The following RRP12 variants were observed in gnomAD, a reference collection of about 807,000 sequenced individuals.
The protein encoded by RRP12 is RRP12-like protein.
In RRP12, 78 loss-of-function variants were observed where a neutral mutation model predicts 157.3. The ratio of observed to expected loss-of-function variants is 0.50; its 90% CI spans 0.41 to 0.60. RRP12 has a LOEUF of 0.60. Ranked by LOEUF, RRP12 falls within the 20% of genes least tolerant of loss-of-function variation. The pLI, the probability that RRP12 is intolerant of heterozygous loss-of-function variation, is 0.00. For synonymous variants in RRP12, 726 were observed against 670.9 expected (o/e 1.08, Z -1.27); for missense variants, 1,521 against 1,679.9 (o/e 0.91, Z 1.65).
chr10:97,378,828 GC>G, intron 15 of RRP12, among the ~76,000 whole-genome samples: 1 of 152,110 alleles, frequency 6.6e-6, no homozygotes, highest in Non-Finnish European at 1.5e-5. Context: ...CTGTGCTCCA[GC>G]CTGGGCAACA....
At chr10:97,374,329 C>A (rs1196470266) in intron 15 of RRP12, among the ~76,000 whole-genome samples, 2 of 152,098 alleles carry the variant, frequency 1.3e-5, no homozygotes, top group Non-Finnish European at 2.9e-5. Flanking sequence ...GCCACCACAC[C>A]CACCTAACTT....
chr10:97,390,942 G>A, intron 4 of RRP12, 98 bp from the exon 5 acceptor site: 6 of 792,388 alleles, frequency 7.6e-6, no homozygotes, highest in Non-Finnish European at 1.4e-5. Flanking sequence ...AGGGGCGCTG[G>A]TGGCACAGTC....
rs772265695 is a variant in RRP12 at position 97,396,319 on chromosome 10, A to G, written c.370-18T>C. The G allele has an allele frequency of 6.2e-7, 1 of 1,605,910 alleles. No homozygotes were observed. The highest frequency in any genetic ancestry group is 1.1e-5 in the South Asian group (1 of 90,920). On this transcript the variant is annotated intron_variant, in intron 2 of 33. Transcript: ENST00000370992. ...GCACAGATCTGCACAGGAGGGAGAA[A>G]GCACTGTGACTATTTTAGACCTAAC...
intron 15 of RRP12, among the ~76,000 whole-genome samples, chr10:97,377,803 C>T (rs968592159): frequency 6.8e-6 from 1 of 146,838 alleles, no homozygotes; most frequent in South Asian, 2.1e-4. Context: ...GAGATCGCAC[C>T]TTTGCACTCC....
Position 97,381,511 on chromosome 10 carries a change from G to A in RRP12, c.1321-28C>T, listed in dbSNP as rs1410788233. 5.8e-6 allele frequency: 9 copies of A among 1,563,440 alleles called. No individual in the cohort carries two copies. In the South Asian group the frequency reaches 1.0e-4, roughly 18 times the overall value. On this transcript the variant is annotated intron_variant, in intron 11 of 33. Coordinates refer to ENST00000370992, the MANE Select transcript of RRP12 (RefSeq NM_015179.4). ...GCGAAGAGAGGCCACAGGCTTTCTG[G>A]GCCCAAGGCAGCCCCCCAGGACCAC... is the stretch of plus-strand genomic sequence containing the variant.
intron 25 of RRP12, among the ~76,000 whole-genome samples, chr10:97,369,189 A>G (rs1844069642): frequency 6.6e-6 from 1 of 152,206 alleles, no homozygotes; most frequent in African/African-American, 2.4e-5. Context: ...CTTTGCCCTG[A>G]AGAGCCCCTG....
intron 17 of RRP12, 67 bp from the exon 18 acceptor site, chr10:97,373,267 CTGTGG>C: frequency 1.3e-6 from 2 of 1,540,488 alleles, no homozygotes; most frequent in Non-Finnish European, 1.8e-6. Flanking sequence ...GCTGCTGGGG[CTGTGG>C]CCCAGAGGCC....
At chr10:97,378,067 A>G (rs532343469) in intron 15 of RRP12, among the ~76,000 whole-genome samples, 1 of 152,260 alleles carries the variant, frequency 6.6e-6, no homozygotes, top group East Asian at 1.9e-4. Flanking sequence ...AACACAGGTC[A>G]GGAGTAAACT....
intron 2 of RRP12, among the ~76,000 whole-genome samples, chr10:97,398,578 C>T (rs775063739): frequency 6.7e-6 from 1 of 150,162 alleles, no homozygotes; most frequent in African/African-American, 2.5e-5. Context: ...AACTCTTGAC[C>T]TCAAATGATC....
intron 21 of RRP12, 62 bp from the exon 22 acceptor site, chr10:97,370,858 C>A: frequency 6.2e-7 from 1 of 1,610,002 alleles, no homozygotes; most frequent in Non-Finnish European, 8.5e-7. Flanking sequence ...CAAGCCTCAA[C>A]AGTGGCTCCT....
Position 97,381,794 on chromosome 10 carries a change from G to A in RRP12, c.1241C>T (p.Pro414Leu). ...LQWDLGLGHL[P>L]RFFGTAVTCL... is the part of the protein sequence containing the mutation. ...GGTCACCGCAGTTCCAAAAAAGCGA[G>A]GGAGGTGGCCTAGCCCCAGGTCCCA... The change falls in exon 11 of 34, where the codon CCT (proline) becomes CTT (leucine). Residue 414 changes from proline (P) to leucine (L), a missense_variant. Transcript: ENST00000370992. 6.2e-7 allele frequency: 1 copy of A among 1,614,156 alleles called. No individual in the cohort carries two copies. The highest frequency in any genetic ancestry group is 8.5e-7 in the Non-Finnish European group (1 of 1,180,012).
intron 8 of RRP12, among the ~76,000 whole-genome samples, chr10:97,386,711 C>T (rs1403854497): frequency 6.6e-6 from 1 of 152,060 alleles, no homozygotes; most frequent in African/African-American, 2.4e-5. Flanking sequence ...ATATACAAGG[C>T]CGGGTGCAGA....
In RRP12 at chr10:97,366,869, T is replaced by C; in HGVS notation, c.3088A>G (p.Arg1030Gly). Residue 1030 changes from arginine (R) to glycine (G), a missense_variant, in exon 27 of 34, where the codon AGA (arginine) becomes GGA (glycine). Transcript: ENST00000370992. ...VKRLLPEEYH[R>G]VLVNIRKAEA... ...GCTTTCCGGATGTTGACCAGGACTC[T>C]GTGGTACTCCTCGGGCAACAGCCTT... The C allele has an allele frequency of 6.2e-7, 1 of 1,614,134 alleles. No individual in the cohort carries two copies. Among genetic ancestry groups the C allele is most frequent in the South Asian group, 1.1e-5 (1 of 91,084 alleles).
intron 30 of RRP12, among the ~76,000 whole-genome samples, chr10:97,362,138 G>T (rs890067573): frequency 6.6e-6 from 1 of 150,400 alleles, no homozygotes; most frequent in Non-Finnish European, 1.5e-5. Flanking sequence ...TTAGAACTAA[G>T]TGCCATGCAA....
rs1368103966 is a variant in RRP12, at chr10:97,391,114, GA to G, written c.531-271del. Among the ~76,000 whole-genome samples, 8 of 152,238 alleles carry G rather than the reference GA, an allele frequency of 5.3e-5. No homozygotes were observed. In the East Asian group the frequency reaches 1.5e-3, roughly 29 times the overall value. On this transcript the variant is annotated intron_variant, in intron 4 of 33. Coordinates refer to ENST00000370992, the MANE Select transcript of RRP12 (RefSeq NM_015179.4). Reference sequence around the variant, plus strand: ...CCTCCCCTGGCAGTTCACATCTCCAGAAAGCCTGGGGCCAACTACTCCTTCC... The same window carrying G: ...CCTCCCCTGGCAGTTCACATCTCCAGAAGCCTGGGGCCAACTACTCCTTCC...
chr10:97,378,320 C>T (rs10882912), intron 15 of RRP12, among the ~76,000 whole-genome samples: 58,040 of 151,948 alleles, frequency 0.38, 11,556 homozygotes, highest in African/African-American at 0.5. Flanking sequence ...ACCTAGATGG[C>T]ACAGCCCCTA....
intron 18 of RRP12, 118 bp downstream of exon 18, chr10:97,372,928 G>T: frequency 1.4e-6 from 2 of 1,435,378 alleles, no homozygotes; most frequent in South Asian, 1.2e-5. Context: ...ATGACTGCTG[G>T]TATGTGCTCC....
chr10:97,385,743 C>T (rs1332892443), intron 9 of RRP12, 152 bp downstream of exon 9: 4 of 614,178 alleles, frequency 6.5e-6, no homozygotes, highest in Non-Finnish European at 1.2e-5. Context: ...GGTCTCCAAT[C>T]TTCCTTCCCC....
At chr10:97,359,767 G>A (rs1429605428) in intron 31 of RRP12, among the ~76,000 whole-genome samples, 4 of 152,342 alleles carry the variant, frequency 2.6e-5, no homozygotes, top group African/African-American at 9.6e-5. Flanking sequence ...CCAGGTCTCT[G>A]CCTCATCAAT....
Sources: gnomAD v4.1 joint callset for allele counts (sites outside exome capture counted in the v4.1 genomes callset) on GRCh38, gnomAD v4.1.1 for gene constraint, MANE v1.5 for transcripts, NCBI Gene and HGNC (gene_info 2026-07-23, HGNC 2026-07-21) for gene names.